Variants in PXDN observed in about 807,000 individuals in gnomAD.
The protein encoded by PXDN is peroxidasin homolog.
PXDN carries 77 observed loss-of-function variants against 140.3 expected under a neutral mutation model. The observed-to-expected ratio is 0.55, with a 90% CI of 0.46 to 0.66. The LOEUF is 0.66. PXDN is among the 30% of genes least tolerant of loss of function. The pLI is 0.00. For missense variants in PXDN, 1,838 were observed against 2,039.5 expected (o/e 0.90, Z 1.90); for synonymous variants, 911 against 857.4 (o/e 1.06, Z -1.09).
At chr2:1,732,782 T>C (rs1420562696) in intron 1 of PXDN, among the ~76,000 whole-genome samples, 1 of 152,202 alleles carries the variant, frequency 6.6e-6, no homozygotes, top group Non-Finnish European at 1.5e-5. Flanking sequence ...ACAATCCCTA[T>C]TGAGAAGATT....
In PXDN at chr2:1,680,254, T is replaced by G; in HGVS notation, c.669A>C (p.Glu223Asp). Reference sequence around the variant, plus strand: ...AGCGTCCCTGGATGCGTCTGGGATATTCACAGATGGCCGCTGCCTGCGCGT... The same window carrying G: ...AGCGTCCCTGGATGCGTCTGGGATAGTCACAGATGGCCGCTGCCTGCGCGT... ...SGNAQAAAICEYPRRIQGRSV... is the reference protein window; with the variant it reads ...SGNAQAAAICDYPRRIQGRSV... The change falls in exon 7 of 23, where the codon GAA becomes GAC. Residue 223 changes from glutamate to aspartate, a missense_variant. Physicochemically the swap from Glu to Asp is conservative, Grantham distance 45. Around this residue, in one of 5 missense-constraint regions of PXDN, gnomAD observed 208 missense variants for 325.8 expected, o/e 0.64. Coordinates refer to ENST00000252804, the MANE Select transcript of PXDN (RefSeq NM_012293.3). 1 of 1,613,012 alleles carries G rather than the reference T, an allele frequency of 6.2e-7. No homozygotes were observed. The highest frequency in any genetic ancestry group is 2.2e-5 in the East Asian group (1 of 44,842).
chr2:1,641,542 T>C (rs185665262), intron 19 of PXDN, among the ~76,000 whole-genome samples: 393 of 152,372 alleles, frequency 2.6e-3, no homozygotes, highest in Middle Eastern at 0.017. Flanking sequence ...ATTTTTCTGC[T>C]GTATTTAGAT....
Position 1,697,942 on chromosome 2 carries a change from A to G in PXDN, c.201-4808T>C, listed in dbSNP as rs541736682. 2.6e-5 allele frequency among the ~76,000 whole-genome samples: 4 copies of G among 152,340 alleles called. No homozygotes were observed. In the South Asian group the frequency reaches 6.2e-4, roughly 24 times the overall value. On this transcript the variant is annotated intron_variant, in intron 1 of 22. Coordinates refer to ENST00000252804, the MANE Select transcript of PXDN (RefSeq NM_012293.3). ...GATTGTAGAAAGTTCTGGGAAACCT[A>G]TAAGTGGCGTGATTACTAAAGCAAG...
At chr2:1,740,050 A>T (rs1685505229) in intron 1 of PXDN, among the ~76,000 whole-genome samples, 3 of 152,210 alleles carry the variant, frequency 2.0e-5, no homozygotes, top group Admixed American at 2.0e-4. Context: ...ACCCGGGACC[A>T]CTGCAGTCTC....
chr2:1,645,846 G>A (rs1397226636), intron 17 of PXDN: 2 of 152,474 alleles, frequency 1.3e-5, no homozygotes, highest in African/African-American at 4.8e-5. Context: ...CCTGCTCTGG[G>A]TGCCTGCTCT....
intron 3 of PXDN, among the ~76,000 whole-genome samples, chr2:1,688,240 T>C (rs1490521494): frequency 6.6e-6 from 1 of 152,202 alleles, no homozygotes; most frequent in East Asian, 1.9e-4. Flanking sequence ...TGTCTTTGTG[T>C]AAAATGGTGG....
intron 18 of PXDN, among the ~76,000 whole-genome samples, chr2:1,643,868 C>T (rs926135707): frequency 2.6e-5 from 4 of 151,812 alleles, no homozygotes; most frequent in Admixed American, 6.6e-5. Context: ...GTCAGGAGAT[C>T]GAGACCATCC....
At chr2:1,661,967 G>A (rs368756429) in intron 13 of PXDN, 105 bp downstream of exon 13, 12 of 972,222 alleles carry the variant, frequency 1.2e-5, no homozygotes, top group Middle Eastern at 3.2e-4. Context: ...AGGCTGGGGC[G>A]TGGGCACTGG....
intron 2 of PXDN, chr2:1,692,609 A>G: frequency 2.1e-6 from 1 of 472,518 alleles, no homozygotes. Context: ...AGGTCTGCAC[A>G]GCAACGCTGG....
chr2:1,673,912 C>T (rs779678432), intron 8 of PXDN, 100 bp from the exon 9 acceptor site: 365 of 1,330,110 alleles, frequency 2.7e-4, no homozygotes, highest in Non-Finnish European at 3.4e-4. Context: ...GCAGGCACAA[C>T]TTGTGCGAGG....
At chr2:1,738,749 T>C (rs1023304235) in intron 1 of PXDN, among the ~76,000 whole-genome samples, 1 of 152,152 alleles carries the variant, frequency 6.6e-6, no homozygotes, top group African/African-American at 2.4e-5. Flanking sequence ...TTTCGCCATG[T>C]AGCTCAGGCT....
chr2:1,737,700 G>A (rs185712517), intron 1 of PXDN, among the ~76,000 whole-genome samples: 148 of 151,970 alleles, frequency 9.7e-4, no homozygotes, highest in Admixed American at 7.1e-3. Context: ...CACCACGCCC[G>A]GCTAATTTTT....
chr2:1,725,042 A>T (rs1685144754), intron 1 of PXDN, among the ~76,000 whole-genome samples: 1 of 152,104 alleles, frequency 6.6e-6, no homozygotes, highest in South Asian at 2.1e-4. Context: ...TTTTCCCATC[A>T]ATGTTTTATA....
chr2:1,652,981 TA>T lies in PXDN; in HGVS notation c.2104+646del, dbSNP rs150437596. On this transcript the variant is annotated intron_variant, in intron 16 of 22. Transcript: ENST00000252804. The stretch of plus-strand genomic sequence containing the variant: ...GTGTGTGTGTGTACAGAACCATGAG[TA>T]ACCAGCTGCTGCTGAAAATGATGTT... The T allele has an allele frequency of 7.3e-3, 1,281 of 174,370 alleles. 13 individuals are homozygous for T. The highest frequency in any genetic ancestry group is 0.03 in the African/African-American group (1,231 of 40,990). The allele number at this position is 174,370 out of a possible 1,614,324, so 10.8% of individuals were successfully genotyped here.
chr2:1,719,767 G>A (rs904788750), intron 1 of PXDN, among the ~76,000 whole-genome samples: 5 of 152,028 alleles, frequency 3.3e-5, no homozygotes, highest in East Asian at 3.9e-4. Flanking sequence ...GACACACATC[G>A]TGAACACTGG....
intron 8 of PXDN, among the ~76,000 whole-genome samples, chr2:1,675,682 C>T (rs1169254388): frequency 6.6e-6 from 1 of 152,220 alleles, no homozygotes; most frequent in Non-Finnish European, 1.5e-5. Context: ...TGGCCAGCTC[C>T]CTGCTCCTGT....
rs1188267256 is a variant in PXDN, at chr2:1,648,920, C to G, written c.2860G>C (p.Gly954Arg). Residue 954 changes from glycine to arginine, a missense_variant, in exon 17 of 23, where the codon GGG becomes CGG. Coordinates refer to ENST00000252804, the MANE Select transcript of PXDN (RefSeq NM_012293.3). The surrounding 1 kb of genome is among the most constrained non-coding windows in gnomAD (Gnocchi z 8.9). ...SGKPLLPFATGPPTECMRDEN... is the reference protein window; with the variant it reads ...SGKPLLPFATRPPTECMRDEN... ...TCCCGCATGCACTCCGTGGGCGGCC[C>G]GGTGGCGAAGGGGAGCAGCGGCTTC... The G allele has an allele frequency of 6.2e-7, 1 of 1,602,282 alleles. No homozygotes were observed. Among genetic ancestry groups the G allele is most frequent in the Non-Finnish European group, 8.5e-7 (1 of 1,175,366 alleles).
At chr2:1,712,127 GGAACT>G (rs1684800158) in intron 1 of PXDN, among the ~76,000 whole-genome samples, 1 of 152,126 alleles carries the variant, frequency 6.6e-6, no homozygotes, top group Non-Finnish European at 1.5e-5. Context: ...CAGAAAAGAA[GGAACT>G]GAGATAATAC....
intron 16 of PXDN, chr2:1,653,360 T>G (rs1219801765): frequency 2.1e-6 from 1 of 478,856 alleles, no homozygotes; most frequent in African/African-American, 2.0e-5. Context: ...CAGGATGGCA[T>G]AACCCACTCA....
Sources: gnomAD v4.1 joint callset for allele counts (sites outside exome capture counted in the v4.1 genomes callset) on GRCh38, gnomAD v4.1.1 for gene constraint, gnomAD v4.1.1 regional missense constraint, Gnocchi (gnomAD v3.1) non-coding constraint, MANE v1.5 for transcripts, NCBI Gene and HGNC (gene_info 2026-07-23, HGNC 2026-07-21) for gene names.